Variants in ANKS1B observed in about 807,000 individuals in gnomAD.
ANKS1B encodes the protein ankyrin repeat and sterile alpha motif domain containing 1B.
In ANKS1B, 36 loss-of-function variants were observed where a neutral mutation model predicts 148.3. The ratio of observed to expected loss-of-function variants is 0.24; its 90% CI spans 0.19 to 0.32. The LOEUF is 0.32. ANKS1B is among the 10% of genes least tolerant of loss of function. The pLI, the probability that ANKS1B is intolerant of heterozygous loss-of-function variation, is 1.00. For missense variants in ANKS1B, 1,157 were observed against 1,542.6 expected (o/e 0.75, Z 4.19); for synonymous variants, 542 against 560.8 (o/e 0.97, Z 0.47).
At chr12:99,149,508 G>A (rs1298767816) in intron 15 of ANKS1B, among the ~76,000 whole-genome samples, 1 of 152,112 alleles carries the variant, frequency 6.6e-6, no homozygotes, top group African/African-American at 2.4e-5. Context: ...GCTGCATTTT[G>A]AACATTTTAA....
At chr12:99,525,407 T>C (rs966170267) in intron 9 of ANKS1B, among the ~76,000 whole-genome samples, 1 of 152,146 alleles carries the variant, frequency 6.6e-6, no homozygotes, top group African/African-American at 2.4e-5. Flanking sequence ...TGTGTGACAA[T>C]AGACAGGTTA....
chr12:99,261,559 A>C (rs1328750497), intron 12 of ANKS1B, among the ~76,000 whole-genome samples: 1 of 152,076 alleles, frequency 6.6e-6, no homozygotes, highest in Non-Finnish European at 1.5e-5. Context: ...CCAGACTTGT[A>C]TATCCTACTG....
intron 1 of ANKS1B, among the ~76,000 whole-genome samples, chr12:99,905,838 T>C (rs1337676372): frequency 2.0e-5 from 3 of 152,160 alleles, no homozygotes; most frequent in Admixed American, 2.0e-4. Flanking sequence ...ATTACCTCTT[T>C]AAAGACCCTG....
At chr12:99,122,997 A>AAAT (rs1555271768) in intron 15 of ANKS1B, among the ~76,000 whole-genome samples, 3 of 141,688 alleles carry the variant, frequency 2.1e-5, no homozygotes, top group African/African-American at 5.3e-5. Flanking sequence ...TTAAAAAAAA[A>AAAT]ATATATATAT....
At chr12:99,874,792 G>A (rs1177006899) in intron 1 of ANKS1B, among the ~76,000 whole-genome samples, 1 of 152,152 alleles carries the variant, frequency 6.6e-6, no homozygotes, top group East Asian at 1.9e-4. Context: ...TCCTCAAAGA[G>A]TTTCAATTTC....
At chr12:99,788,536 C>T (rs933517282) in intron 4 of ANKS1B, among the ~76,000 whole-genome samples, 6 of 152,126 alleles carry the variant, frequency 3.9e-5, no homozygotes, top group Non-Finnish European at 8.8e-5. Flanking sequence ...CAGCACAGTC[C>T]CAGCTGTGGT....
intron 12 of ANKS1B, among the ~76,000 whole-genome samples, chr12:99,334,496 A>G (rs2088344257): frequency 6.6e-6 from 1 of 152,060 alleles, no homozygotes; most frequent in African/African-American, 2.4e-5. Flanking sequence ...AGTGGAACAG[A>G]ACAAGCATTA....
chr12:99,147,082 T>C (rs2073385021), intron 15 of ANKS1B, among the ~76,000 whole-genome samples: 1 of 152,046 alleles, frequency 6.6e-6, no homozygotes, highest in African/African-American at 2.4e-5. Context: ...ACAGAAAAAG[T>C]TTGCTGGCCC....
rs77817962 is a variant in ANKS1B at position 99,503,445 on chromosome 12, T to C, written c.1438+1031A>G. Among the ~76,000 whole-genome samples the C allele has an allele frequency of 8.0e-3, 1,218 of 152,322 alleles. 13 individuals are homozygous for C. Among genetic ancestry groups the C allele is most frequent in the African/African-American group, 0.027 (1,134 of 41,576 alleles). On this transcript the variant is annotated intron_variant, in intron 10 of 26. Transcript: ENST00000683438. ...AAGGTCTGTGTTTCCCTAAACTAGC[T>C]GAGTCTTAACTTCTACCCATTCTGT...
chr12:99,354,708 C>T (rs896796650), intron 12 of ANKS1B, among the ~76,000 whole-genome samples: 1 of 151,908 alleles, frequency 6.6e-6, no homozygotes. Context: ...GATAAGATTA[C>T]TAAGTGGATT....
intron 12 of ANKS1B, among the ~76,000 whole-genome samples, chr12:99,275,657 G>A (rs1381664477): frequency 2.6e-5 from 4 of 152,164 alleles, no homozygotes; most frequent in Non-Finnish European, 2.9e-5. Context: ...GAACATGGGA[G>A]TGCATTTATC....
intron 12 of ANKS1B, among the ~76,000 whole-genome samples, chr12:99,380,347 A>G (rs2093588204): frequency 6.6e-6 from 1 of 152,250 alleles, no homozygotes; most frequent in Non-Finnish European, 1.5e-5. Flanking sequence ...GACACCTACA[A>G]AATATATTTT....
intron 9 of ANKS1B, among the ~76,000 whole-genome samples, chr12:99,636,733 T>C (rs1288391773): frequency 6.6e-6 from 1 of 152,160 alleles, no homozygotes; most frequent in Non-Finnish European, 1.5e-5. Context: ...CATGTGCAAT[T>C]TTCCACTGCT....
chr12:99,465,331 C>A (rs2096080669), intron 10 of ANKS1B, among the ~76,000 whole-genome samples: 1 of 152,182 alleles, frequency 6.6e-6, no homozygotes, highest in African/African-American at 2.4e-5. Context: ...CCAGCCACTG[C>A]AAAATCACGC....
intron 9 of ANKS1B, among the ~76,000 whole-genome samples, chr12:99,595,073 C>A (rs552273014): frequency 6.6e-6 from 1 of 151,930 alleles, no homozygotes; most frequent in Non-Finnish European, 1.5e-5. Flanking sequence ...GACTTAGGCA[C>A]AAATAATAGT....
At chr12:99,311,119 T>A (rs1393068956) in intron 12 of ANKS1B, among the ~76,000 whole-genome samples, 1 of 152,184 alleles carries the variant, frequency 6.6e-6, no homozygotes, top group Non-Finnish European at 1.5e-5. Flanking sequence ...AAATGTATTT[T>A]CAGGTGGAAC....
At chr12:99,695,725 G>T (rs918291638) in intron 8 of ANKS1B, among the ~76,000 whole-genome samples, 2 of 152,124 alleles carry the variant, frequency 1.3e-5, no homozygotes, top group Non-Finnish European at 2.9e-5. Context: ...ACTGGGGCCT[G>T]TCGGGGGAGG....
At chr12:98,823,215 C>T (rs781335532) in intron 19 of ANKS1B, among the ~76,000 whole-genome samples, 8 of 152,154 alleles carry the variant, frequency 5.3e-5, no homozygotes, top group East Asian at 1.9e-4. Flanking sequence ...GTCAACTTGA[C>T]GAGCTGTCAA....
At chr12:98,924,636 G>A (rs572884186) in intron 17 of ANKS1B, among the ~76,000 whole-genome samples, 2 of 152,084 alleles carry the variant, frequency 1.3e-5, no homozygotes, top group Non-Finnish European at 2.9e-5. Context: ...AACTGATACC[G>A]TTAGTTTTAT....
Sources: gnomAD v4.1 joint callset for allele counts (sites outside exome capture counted in the v4.1 genomes callset) on GRCh38, gnomAD v4.1.1 for gene constraint, MANE v1.5 for transcripts, NCBI Gene and HGNC (gene_info 2026-07-23, HGNC 2026-07-21) for gene names.